The following DHX9 variants were observed in gnomAD, a reference collection of about 807,000 sequenced individuals.
The protein encoded by DHX9 is ATP-dependent RNA helicase A.
Under a neutral mutation model 148.7 loss-of-function variants are expected in DHX9, and 27 were observed. The observed-to-expected ratio is 0.18, with a 90% CI of 0.13 to 0.25. The LOEUF (loss-of-function observed/expected upper bound fraction) is 0.25, where lower values mean the gene tolerates loss of function less well. DHX9 is among the 10% of genes least tolerant of loss of function. DHX9 has a pLI of 1.00. For synonymous variants in DHX9, 529 were observed against 516.6 expected, an observed-to-expected ratio of 1.02 and a Z score of -0.33; for missense variants, 796 against 1,559.6, an observed-to-expected ratio of 0.51 and a Z score of 8.25.
chr1:182,855,115 C>T (rs1668230781), intron 6 of DHX9, among the ~76,000 whole-genome samples: 1 of 152,192 alleles, frequency 6.6e-6, no homozygotes, highest in Admixed American at 6.5e-5. Context: ...CCCCCTTCCT[C>T]CCACTGTTTT....
At chr1:182,858,336 T>A in intron 8 of DHX9, 96 bp downstream of exon 8, 1 of 1,420,246 alleles carries the variant, frequency 7.0e-7, no homozygotes, top group Non-Finnish European at 9.6e-7. Flanking sequence ...TTAAGAATCT[T>A]ACCTCAGGAA....
chr1:182,862,959 C>T (rs1467893673), intron 12 of DHX9, among the ~76,000 whole-genome samples: 1 of 152,142 alleles, frequency 6.6e-6, no homozygotes, highest in African/African-American at 2.4e-5. Flanking sequence ...AAGAGGTTAG[C>T]ACTTGAAATT....
At chr1:182,876,655 A>C in intron 18 of DHX9, 114 bp downstream of exon 18, 1 of 1,036,304 alleles carries the variant, frequency 9.6e-7, no homozygotes, top group Middle Eastern at 3.1e-4. Flanking sequence ...TTGAGGAAGA[A>C]AAAAGGAGTC....
intron 7 of DHX9, among the ~76,000 whole-genome samples, chr1:182,856,827 G>C (rs1668259982): frequency 6.6e-6 from 1 of 152,198 alleles, no homozygotes; most frequent in Non-Finnish European, 1.5e-5. Flanking sequence ...ATGATTAGGA[G>C]TCTGCCAGTG....
chr1:182,856,186 T>G (rs1347609463), intron 6 of DHX9, among the ~76,000 whole-genome samples: 2 of 152,234 alleles, frequency 1.3e-5, no homozygotes, highest in Non-Finnish European at 2.9e-5. Flanking sequence ...ACTTTATTTC[T>G]TGGCTCCAAG....
intron 3 of DHX9, among the ~76,000 whole-genome samples, chr1:182,845,429 G>GA (rs77781676): frequency 0.2 from 27,373 of 138,286 alleles, 4,008 homozygotes; most frequent in African/African-American, 0.42. Context: ...TATGTAAGTG[G>GA]AAAAAAAAAA....
intron 3 of DHX9, among the ~76,000 whole-genome samples, chr1:182,847,719 A>T: frequency 6.6e-6 from 1 of 152,178 alleles, no homozygotes; most frequent in East Asian, 1.9e-4. Context: ...GCTGCCTGGG[A>T]TGGCTTCTCT....
At chr1:182,840,400 A>T (rs1216097574) in intron 1 of DHX9, among the ~76,000 whole-genome samples, 1 of 149,930 alleles carries the variant, frequency 6.7e-6, no homozygotes, top group Admixed American at 6.6e-5. Flanking sequence ...CCCGGGTTCA[A>T]GTGATTCTCC....
rs1157625658 is a variant in DHX9, at chr1:182,883,756, C to T, written c.3260+121C>T. On this transcript the variant is annotated intron_variant, in intron 26 of 27. Coordinates refer to ENST00000367549, the MANE Select transcript of DHX9 (RefSeq NM_001357.5). ...ATCTAACTTAATTATATACTATATACTTAATCTTAAATTGATACCAGTAGA... is the reference window on the plus strand; with the variant it reads ...ATCTAACTTAATTATATACTATATATTTAATCTTAAATTGATACCAGTAGA... The T allele has an allele frequency of 8.8e-6, 5 of 571,426 alleles. 1 individual carries two copies. The highest frequency in any genetic ancestry group is 1.9e-5 in the African/African-American group (1 of 53,072). The allele number at this position is 571,426 out of a possible 1,614,324, so 35.4% of individuals were successfully genotyped here.
intron 14 of DHX9, among the ~76,000 whole-genome samples, chr1:182,870,072 T>C (rs768987241): frequency 5.3e-5 from 8 of 152,080 alleles, no homozygotes; most frequent in Non-Finnish European, 1.0e-4. Flanking sequence ...CTTACACAAA[T>C]AACTAGAAAA....
intron 2 of DHX9, 97 bp downstream of exon 2, chr1:182,842,774 C>T (rs941780397): frequency 8.2e-6 from 7 of 853,174 alleles, no homozygotes; most frequent in Middle Eastern, 2.6e-4. Flanking sequence ...ATGTGTTGCA[C>T]ATTAGGAAAC....
chr1:182,883,615 G>C lies in DHX9; in HGVS notation c.3240G>C (p.Gln1080His). The change falls in exon 26 of 28, where the codon CAG becomes CAC. Residue 1080 changes from glutamine (Q) to histidine (H), a missense_variant. Gln to His is a conservative substitution (Grantham distance 24). Coordinates refer to ENST00000367549, the MANE Select transcript of DHX9 (RefSeq NM_001357.5). ...FASKKVQSDG[Q>H]IVLVDDWIKL... is the part of the protein sequence containing the mutation. The stretch of plus-strand genomic sequence containing the variant: ...CCAAGAAAGTCCAATCTGATGGGCA[G>C]ATTGTGCTTGTAGATGACTGGTATG... 6.2e-7 allele frequency: 1 copy of C among 1,613,540 alleles called. No individual in the cohort carries two copies. The highest frequency in any genetic ancestry group is 8.5e-7 in the Non-Finnish European group (1 of 1,179,556).
intron 11 of DHX9, 90 bp from the exon 12 acceptor site, chr1:182,859,903 C>A: frequency 7.5e-7 from 1 of 1,332,604 alleles, no homozygotes; most frequent in Non-Finnish European, 1.0e-6. Flanking sequence ...CGCGCCCAGT[C>A]TATAGAGATG....
chr1:182,873,204 C>T (rs1404869042), intron 15 of DHX9, among the ~76,000 whole-genome samples: 1 of 152,202 alleles, frequency 6.6e-6, no homozygotes, highest in Non-Finnish European at 1.5e-5. Flanking sequence ...AGTCAGCCTG[C>T]CTCAGCCTCC....
chr1:182,853,824 T>C (rs1668206020), intron 5 of DHX9, among the ~76,000 whole-genome samples: 1 of 151,840 alleles, frequency 6.6e-6, no homozygotes, highest in African/African-American at 2.4e-5. Flanking sequence ...TTAAATGCAA[T>C]GTATTAACTA....
chr1:182,845,674 T>C (rs559166471), intron 3 of DHX9, among the ~76,000 whole-genome samples: 15 of 152,270 alleles, frequency 9.9e-5, no homozygotes, highest in African/African-American at 3.4e-4. Context: ...AGACACCACT[T>C]GCAAGTCTGG....
chr1:182,863,065 T>C (rs1194253311), intron 12 of DHX9, among the ~76,000 whole-genome samples: 1 of 152,184 alleles, frequency 6.6e-6, no homozygotes, highest in Non-Finnish European at 1.5e-5. Context: ...AAAGCACATA[T>C]CTGGAGGACA....
chr1:182,854,015 T>C lies in DHX9; in HGVS notation c.478-15T>C, dbSNP rs746108620. 1.2e-6 allele frequency: 2 copies of C among 1,605,382 alleles called. No homozygotes were observed. Among genetic ancestry groups the C allele is most frequent in the Non-Finnish European group, 1.7e-6 (2 of 1,177,976 alleles). ...AACTTAACACAGCCAAATTTAATTA[T>C]CATTGATTCTACAGACTCTAGAATC... On this transcript the variant is annotated splice_polypyrimidine_tract_variant and intron_variant, in intron 5 of 27. Coordinates refer to ENST00000367549, the MANE Select transcript of DHX9 (RefSeq NM_001357.5).
At chr1:182,880,216 G>A (rs938584662) in intron 21 of DHX9, among the ~76,000 whole-genome samples, 6 of 151,914 alleles carry the variant, frequency 3.9e-5, no homozygotes, top group African/African-American at 7.3e-5. Flanking sequence ...AGAAACTTAC[G>A]CTGCTATTAT....
Sources: allele counts gnomAD v4.1 joint callset (sites outside exome capture counted in the v4.1 genomes callset), GRCh38; gene constraint gnomAD v4.1.1; transcripts MANE v1.5; gene names NCBI Gene and HGNC (gene_info 2026-07-23, HGNC 2026-07-21).